PAPPA: variants seen among roughly 807,000 people sequenced by gnomAD.
PAPPA encodes the protein pappalysin-1.
Under a neutral mutation model 164.0 loss-of-function variants are expected in PAPPA, and 60 were observed. That is an observed-to-expected ratio of 0.37 (90% CI 0.30 to 0.45). The LOEUF (loss-of-function observed/expected upper bound fraction) is 0.45. Ranked by LOEUF, PAPPA falls within the 20% of genes least tolerant of loss-of-function variation. The probability of loss-of-function intolerance (pLI) is 1.00; values close to 1 mark genes in which losing one functional copy is unlikely to be tolerated. For missense variants in PAPPA, 1,782 were observed against 2,087.3 expected (o/e 0.85, Z 2.85); for synonymous variants, 875 against 814.1 (o/e 1.07, Z -1.27).
chr9:116,305,222 G>A (rs1025372759), intron 10 of PAPPA, among the ~76,000 whole-genome samples: 5 of 146,988 alleles, frequency 3.4e-5, no homozygotes, highest in Non-Finnish European at 5.9e-5. Context: ...AAGTGTAAAC[G>A]TACCTTCCTT....
intron 9 of PAPPA, among the ~76,000 whole-genome samples, chr9:116,297,281 T>C (rs1845521441): frequency 6.6e-6 from 1 of 152,204 alleles, no homozygotes. Flanking sequence ...ATACACATTA[T>C]CTCAGGCCAT....
At chr9:116,181,995 A>G (rs1000628996) in intron 1 of PAPPA, among the ~76,000 whole-genome samples, 1 of 152,236 alleles carries the variant, frequency 6.6e-6, no homozygotes, top group Admixed American at 6.5e-5. Flanking sequence ...AGAGGAGGCC[A>G]CGCCTTTAAA....
At chr9:116,312,284 CTTTCT>C (rs1308627210) in intron 10 of PAPPA, among the ~76,000 whole-genome samples, 512 of 100,700 alleles carry the variant, frequency 5.1e-3, no homozygotes, top group Non-Finnish European at 8.3e-3. Flanking sequence ...TCTTTTCTTT[CTTTCT>C]TTTTTTTTTT....
At chr9:116,273,750 G>A (rs771692352) in intron 9 of PAPPA, among the ~76,000 whole-genome samples, 45 of 152,186 alleles carry the variant, frequency 3.0e-4, no homozygotes, top group Middle Eastern at 3.4e-3. Context: ...TTCCAGCCTG[G>A]GTGACAGAGC....
intron 7 of PAPPA, among the ~76,000 whole-genome samples, chr9:116,258,698 G>A (rs544937858): frequency 6.6e-6 from 1 of 152,142 alleles, no homozygotes; most frequent in Non-Finnish European, 1.5e-5. Context: ...TGAAAGTACT[G>A]AAATGATATA....
chr9:116,220,050 G>C lies in PAPPA; in HGVS notation c.2032G>C (p.Ala678Pro), dbSNP rs34371232. The C allele has an allele frequency of 2.0e-3, 3,166 of 1,613,952 alleles. 51 individuals carry two copies. In the African/African-American group the frequency reaches 0.034, roughly 18 times the overall value. Residue 678 changes from alanine (A) to proline (P), a missense_variant, in exon 5 of 22, where the codon GCC becomes CCC. This residue lies in a region of PAPPA where 1,324 missense variants were observed against 1,656.9 expected (regional missense o/e 0.80). Coordinates refer to ENST00000328252, the MANE Select transcript of PAPPA (RefSeq NM_002581.5). Reference protein sequence around the residue: ...PSRKPAPVALAPQVLGHTTDS... With the variant: ...PSRKPAPVALPPQVLGHTTDS... ...CAGGAAACCAGCGCCTGTTGCCCTCGCCCCCCAAGTTCTGGGCCACACAAC... is the reference window on the plus strand; with the variant it reads ...CAGGAAACCAGCGCCTGTTGCCCTCCCCCCCCAAGTTCTGGGCCACACAAC...
chr9:116,268,637 C>T (rs1181923497), intron 8 of PAPPA, among the ~76,000 whole-genome samples: 2 of 151,914 alleles, frequency 1.3e-5, no homozygotes, highest in African/African-American at 4.8e-5. Flanking sequence ...CAAATGATAT[C>T]ATTCTTGCTG....
At position 116,188,046 on chromosome 9, in the gene PAPPA, C is replaced by T. The variant is rs1231575485; in HGVS notation, c.1308C>T (p.Asp436=). The T allele has an allele frequency of 9.3e-6, 15 of 1,614,052 alleles. No individual in the cohort carries two copies. Among genetic ancestry groups the T allele is most frequent in the African/African-American group, 2.7e-5 (2 of 74,948 alleles). ...PECNHTLTGH[D]GGDCRHLRHP... is the part of the protein sequence containing the mutation. ...GCAACCACACGCTGACGGGCCACGA[C>T]GGCGGGGATTGCCGCCACCTGCGCC... Residue 436 remains aspartate (D), a synonymous_variant, in exon 2 of 22, where the codon GAC becomes GAT. Transcript: ENST00000328252.
At chr9:116,336,207 G>A (rs893573056) in intron 13 of PAPPA, among the ~76,000 whole-genome samples, 6 of 151,800 alleles carry the variant, frequency 4.0e-5, no homozygotes, top group African/African-American at 7.3e-5. Context: ...TCTGAAAGTC[G>A]ATTCAGCCTT....
intron 7 of PAPPA, among the ~76,000 whole-genome samples, chr9:116,243,141 G>A (rs1277575744): frequency 6.6e-6 from 1 of 152,176 alleles, no homozygotes; most frequent in African/African-American, 2.4e-5. Context: ...TAGCATTTAT[G>A]CAGAAGTTAC....
intron 9 of PAPPA, among the ~76,000 whole-genome samples, chr9:116,296,315 G>C (rs748875323): frequency 8.5e-5 from 13 of 152,196 alleles, no homozygotes; most frequent in Non-Finnish European, 1.8e-4. Flanking sequence ...CAAGCACCTA[G>C]TTAGTTTAGT....
intron 17 of PAPPA, 34 bp downstream of exon 17, chr9:116,353,827 G>A: frequency 6.4e-7 from 1 of 1,551,950 alleles, no homozygotes; most frequent in South Asian, 1.2e-5. Context: ...TGATACCATG[G>A]TCCCTTTCCT....
At chr9:116,362,545 G>A in intron 17 of PAPPA, 47 bp from the exon 18 acceptor site, 1 of 1,578,860 alleles carries the variant, frequency 6.3e-7, no homozygotes, top group Non-Finnish European at 8.6e-7. Flanking sequence ...TTATTCAATT[G>A]GGGCTGGTGT....
chr9:116,187,491 C>G lies in PAPPA; in HGVS notation c.753C>G (p.Gly251=). The stretch of plus-strand genomic sequence containing the variant: ...GTGCCCTGAATCACAACTACCGGGG[C>G]TACATCGAGCACTTCAGTCTGTGGA... ...GGSALNHNYR[G]YIEHFSLWKV... is the part of the protein sequence containing the mutation. Residue 251 remains glycine, a synonymous_variant, in exon 2 of 22, where the codon GGC becomes GGG. Coordinates refer to ENST00000328252, the MANE Select transcript of PAPPA (RefSeq NM_002581.5). This position sits in a 1 kb window ranked among gnomAD's most constrained non-coding sequence, Gnocchi z 4.2. 6.2e-7 allele frequency: 1 copy of G among 1,614,126 alleles called. No homozygotes were observed. Among genetic ancestry groups the G allele is most frequent in the Non-Finnish European group, 8.5e-7 (1 of 1,180,018 alleles).
intron 10 of PAPPA, among the ~76,000 whole-genome samples, chr9:116,329,794 G>A (rs993013475): frequency 1.4e-4 from 21 of 152,102 alleles, no homozygotes; most frequent in Middle Eastern, 6.3e-3. Flanking sequence ...AGACCATACT[G>A]AGCCAAGTGT....
Position 116,154,566 on chromosome 9 carries a change from A to G in PAPPA, c.394A>G (p.Arg132Gly), listed in dbSNP as rs1843577908. The change falls in exon 1 of 22, where the codon AGG (arginine) becomes GGG (glycine). Residue 132 changes from arginine to glycine, a missense_variant. Physicochemically the swap from Arg to Gly is moderately radical, Grantham distance 125 (BLOSUM62 -2). Transcript: ENST00000328252. The surrounding 1 kb of genome is among the most constrained non-coding windows in gnomAD (Gnocchi z 5.2). ...GTGGCTGCGAGCGGAGGGGGGCCAG[A>G]GGTCTCCGGCAGTGATCACAGGTAG... ...QVWLRAEGGQRSPAVITGLYD... is the reference protein window; with the variant it reads ...QVWLRAEGGQGSPAVITGLYD... 1 of 1,403,316 alleles carries G rather than the reference A, an allele frequency of 7.1e-7. No homozygotes were observed. The highest frequency in any genetic ancestry group is 9.3e-7 in the Non-Finnish European group (1 of 1,076,534). The allele number at this position is 1,403,316 out of a possible 1,614,324, so 86.9% of individuals were successfully genotyped here.
At chr9:116,226,581 G>T (rs994019439) in intron 5 of PAPPA, among the ~76,000 whole-genome samples, 2 of 152,174 alleles carry the variant, frequency 1.3e-5, no homozygotes, top group Non-Finnish European at 2.9e-5. Context: ...CCTCTGCAGA[G>T]GTCACTCAGA....
intron 13 of PAPPA, among the ~76,000 whole-genome samples, chr9:116,342,320 G>A (rs1388688257): frequency 1.3e-5 from 2 of 152,180 alleles, no homozygotes; most frequent in African/African-American, 4.8e-5. Flanking sequence ...TCTCCACATG[G>A]TACAATGCTG....
At chr9:116,310,827 G>C (rs79367947) in intron 10 of PAPPA, among the ~76,000 whole-genome samples, 14,966 of 152,192 alleles carry the variant, frequency 0.098, 803 homozygotes, top group South Asian at 0.15. Context: ...CCACTTACTA[G>C]CTGTGAGACT....
Sources: gnomAD v4.1 joint callset for allele counts (sites outside exome capture counted in the v4.1 genomes callset) on GRCh38, gnomAD v4.1.1 for gene constraint, gnomAD v4.1.1 regional missense constraint, Gnocchi (gnomAD v3.1) non-coding constraint, MANE v1.5 for transcripts, NCBI Gene and HGNC (gene_info 2026-07-23, HGNC 2026-07-21) for gene names.